SP3: variants seen among roughly 807,000 people sequenced by gnomAD.
SP3 encodes transcription factor Sp3.
Under a neutral mutation model 70.3 loss-of-function variants are expected in SP3, and 10 were observed. The observed-to-expected ratio is 0.14, with a 90% CI of 0.09 to 0.24. SP3 has a LOEUF of 0.24. SP3 is among the 10% of genes least tolerant of loss of function. The pLI is 1.00. For synonymous variants in SP3, 402 were observed against 333.5 expected, an observed-to-expected ratio of 1.21 and a Z score of -2.24; for missense variants, 825 against 914.6, an observed-to-expected ratio of 0.90 and a Z score of 1.26.
chr2:173,935,484 C>T (rs1448033540), intron 4 of SP3, among the ~76,000 whole-genome samples: 1 of 152,108 alleles, frequency 6.6e-6, no homozygotes, highest in Admixed American at 6.6e-5. Flanking sequence ...AAAGAGAAAT[C>T]CTGTTTTCCT....
rs1387915760 is a variant in SP3 at position 173,907,181 on chromosome 2, C to G, written c.*2760G>C. On this transcript the variant is annotated 3_prime_UTR_variant, in exon 7 of 7. Coordinates refer to ENST00000310015, the MANE Select transcript of SP3 (RefSeq NM_003111.5). ...TTAAAATTTGAGGTATACAGATAATCGCGTCCACTAAATGTTACAACAGGA... is the reference window on the plus strand; with the variant it reads ...TTAAAATTTGAGGTATACAGATAATGGCGTCCACTAAATGTTACAACAGGA... The G allele has an allele frequency of 6.6e-6, 1 of 151,972 alleles. No individual in the cohort carries two copies. Among genetic ancestry groups the G allele is most frequent in the Non-Finnish European group, 1.5e-5 (1 of 67,966 alleles). The allele number at this position is 151,972 out of a possible 1,614,324, so 9.4% of individuals were successfully genotyped here.
intron 5 of SP3, chr2:173,915,929 T>C (rs1442563150): frequency 6.6e-6 from 1 of 152,096 alleles, no homozygotes; most frequent in Non-Finnish European, 1.5e-5. Flanking sequence ...ATAAAATCAG[T>C]TCTCTAAAAA....
intron 4 of SP3, among the ~76,000 whole-genome samples, chr2:173,922,518 A>G (rs1559093592): frequency 6.6e-6 from 1 of 151,868 alleles, no homozygotes; most frequent in Non-Finnish European, 1.5e-5. Context: ...CAGCATATAC[A>G]TTAGGCATTG....
At position 173,918,802 on chromosome 2, in the gene SP3, AC is replaced by A; in HGVS notation, c.1640-18del. On this transcript the variant is annotated intron_variant, in intron 4 of 6. Transcript: ENST00000310015. ...TCCTAATATCTAAAGGGAAAAAAAA[AC>A]CAAATACAGATGAGAAGCAACCAAA... is the stretch of plus-strand genomic sequence containing the variant. 1.3e-6 allele frequency: 2 copies of A among 1,592,654 alleles called. No individual in the cohort carries two copies. Among genetic ancestry groups the A allele is most frequent in the Admixed American group, 1.8e-5 (1 of 56,234 alleles).
rs534022899 is a variant in SP3, at chr2:173,908,588, C to T, written c.*1353G>A. The T allele has an allele frequency of 3.3e-5, 5 of 152,326 alleles. No individual in the cohort carries two copies. Among genetic ancestry groups the T allele is most frequent in the South Asian group, 4.2e-4 (2 of 4,818 alleles). The allele number at this position is 152,326 out of a possible 1,614,324, so 9.4% of individuals were successfully genotyped here. ...CCACACTGTTATAATACACTTTAAA[C>T]GTACAATAAGGTAGCCTTTAAATTT... On this transcript the variant is annotated 3_prime_UTR_variant, in exon 7 of 7. Coordinates refer to ENST00000310015, the MANE Select transcript of SP3 (RefSeq NM_003111.5).
At chr2:173,948,881 T>C (rs145711755) in intron 4 of SP3, among the ~76,000 whole-genome samples, 2 of 152,250 alleles carry the variant, frequency 1.3e-5, no homozygotes, top group African/African-American at 2.4e-5. Context: ...GACCATAGCA[T>C]GCAATACATA....
intron 4 of SP3, among the ~76,000 whole-genome samples, chr2:173,925,103 G>GT (rs1269721204): frequency 6.6e-6 from 1 of 152,166 alleles, no homozygotes; most frequent in Non-Finnish European, 1.5e-5. Flanking sequence ...GGTCAGGCTG[G>GT]TCTCAAACTC....
At chr2:173,951,714 G>A (rs968329508) in intron 4 of SP3, among the ~76,000 whole-genome samples, 1 of 152,088 alleles carries the variant, frequency 6.6e-6, no homozygotes, top group Non-Finnish European at 1.5e-5. Context: ...AAACTTAACA[G>A]GTGGCAGTTT....
intron 4 of SP3, among the ~76,000 whole-genome samples, chr2:173,951,398 A>G (rs1690708904): frequency 6.6e-6 from 1 of 152,250 alleles, no homozygotes; most frequent in Non-Finnish European, 1.5e-5. Context: ...ATTTAAATTT[A>G]GTTCATTTAA....
chr2:173,953,911 T>C (rs1311632873), intron 4 of SP3, among the ~76,000 whole-genome samples: 2 of 152,296 alleles, frequency 1.3e-5, no homozygotes, highest in East Asian at 3.9e-4. Context: ...GATCTGAGGT[T>C]CTAAGACCAT....
rs879931127 is a variant in SP3 at position 173,911,560 on chromosome 2, C to T, written c.2030-1303G>A. On this transcript the variant is annotated intron_variant, in intron 6 of 6. Coordinates refer to ENST00000310015, the MANE Select transcript of SP3 (RefSeq NM_003111.5). Reference sequence around the variant, plus strand: ...CAATCTAGCATTTAATTTAAAGGTCCTAAGAGGTACTGCCTTGAAGGTACT... The same window carrying T: ...CAATCTAGCATTTAATTTAAAGGTCTTAAGAGGTACTGCCTTGAAGGTACT... Among the ~76,000 whole-genome samples, 6 of 152,122 alleles carry T rather than the reference C, an allele frequency of 3.9e-5. No individual in the cohort carries two copies. The East Asian group carries it at 1.2e-3, about 29-fold the overall frequency.
Position 173,934,821 on chromosome 2 carries a change from T to TTC in SP3, c.1640-16038_1640-16037dup, listed in dbSNP as rs547001909. ...CAGTTCTAAGGCTGAAACTCCTTTCTTCTAAAAATAAATACATTCTATTCC... is the reference window on the plus strand; with the variant it reads ...CAGTTCTAAGGCTGAAACTCCTTTCTTCTCTAAAAATAAATACATTCTATTCC... On this transcript the variant is annotated intron_variant, in intron 4 of 6. Transcript: ENST00000310015. Among the ~76,000 whole-genome samples, 455 of 152,336 alleles carry TTC rather than the reference T, an allele frequency of 3.0e-3. 4 individuals carry two copies. Among genetic ancestry groups the TTC allele is most frequent in the African/African-American group, 0.01 (432 of 41,584 alleles).
rs1234571809 is a variant in SP3 at position 173,927,478 on chromosome 2, A to ATT, written c.1640-8694_1640-8693insAA. On this transcript the variant is annotated intron_variant, in intron 4 of 6. Coordinates refer to ENST00000310015, the MANE Select transcript of SP3 (RefSeq NM_003111.5). The stretch of plus-strand genomic sequence containing the variant: ...TTTTTAGTAGAGACTGGGTTTCACC[A>ATT]TGTTGGCCAGGCTGGTCTCGAACTC... 9.5e-4 allele frequency among the ~76,000 whole-genome samples: 145 copies of ATT among 152,024 alleles called. 1 individual carries two copies. Among genetic ancestry groups the ATT allele is most frequent in the African/African-American group, 3.2e-3 (131 of 41,456 alleles).
chr2:173,959,602 A>T (rs1259127150), intron 3 of SP3, among the ~76,000 whole-genome samples: 1 of 152,024 alleles, frequency 6.6e-6, no homozygotes, highest in Non-Finnish European at 1.5e-5. Context: ...GTACATCTGT[A>T]GTCCCAGCTA....
Position 173,918,570 on chromosome 2 carries a change from A to G in SP3, c.1832+23T>C, listed in dbSNP as rs185778199. 30 of 1,602,978 alleles carry G rather than the reference A, an allele frequency of 1.9e-5. No individual in the cohort carries two copies. In the African/African-American group the frequency reaches 2.0e-4, roughly 11 times the overall value. The stretch of plus-strand genomic sequence containing the variant: ...ATGATATTAGCACTCTTAAAAATAT[A>G]TATGTGTTTCATGTATGCATACCTT... On this transcript the variant is annotated intron_variant, in intron 5 of 6. Coordinates refer to ENST00000310015, the MANE Select transcript of SP3 (RefSeq NM_003111.5).
rs752197064 is a variant in SP3, at chr2:173,964,387, G to A, written c.156+18C>T. The A allele has an allele frequency of 1.4e-5, 10 of 700,076 alleles. No homozygotes were observed. The highest frequency in any genetic ancestry group is 2.3e-5 in the Non-Finnish European group (9 of 385,988). 43.4% of individuals were successfully genotyped at this position (700,076 alleles called of 1,614,324 possible). Reference sequence around the variant, plus strand: ...CGGCGCGAGGGGGGAGCCGGGCCGGGGTTCAGCCGCTCCTCACCTGGGCCG... The same window carrying A: ...CGGCGCGAGGGGGGAGCCGGGCCGGAGTTCAGCCGCTCCTCACCTGGGCCG... On this transcript the variant is annotated intron_variant, in intron 2 of 6. Transcript: ENST00000310015.
At chr2:173,930,258 G>A (rs1690032544) in intron 4 of SP3, among the ~76,000 whole-genome samples, 2 of 152,140 alleles carry the variant, frequency 1.3e-5, no homozygotes, top group Non-Finnish European at 2.9e-5. Flanking sequence ...CTTTTCAGTT[G>A]TGTCTCCTAC....
At chr2:173,959,888 AG>A (rs1258060444) in intron 3 of SP3, among the ~76,000 whole-genome samples, 1 of 152,268 alleles carries the variant, frequency 6.6e-6, no homozygotes. Flanking sequence ...AAAATCCACC[AG>A]TGTTTCTCTC....
In SP3 at chr2:173,954,888, C is replaced by T; in HGVS notation, c.1624G>A (p.Ala542Thr). The T allele has an allele frequency of 6.2e-7, 1 of 1,612,012 alleles. No individual in the cohort carries two copies. The highest frequency in any genetic ancestry group is 8.5e-7 in the Non-Finnish European group (1 of 1,178,148). Reference protein sequence around the residue: ...AGIQLHPGENADSPADIRIKE... With the variant: ...AGIQLHPGENTDSPADIRIKE... Reference sequence around the variant, plus strand: ...TAAGACTCACCTGCAGGACTGTCAGCATTCTCTCCTGGATGTAGCTGTATA... The same window carrying T: ...TAAGACTCACCTGCAGGACTGTCAGTATTCTCTCCTGGATGTAGCTGTATA... Residue 542 changes from alanine to threonine, a missense_variant, in exon 4 of 7, where the codon GCT (alanine) becomes ACT (threonine). By Grantham distance (58) the Ala-to-Thr change is moderately conservative. This residue lies in a region of SP3 where 678 missense variants were observed against 651.6 expected (regional missense o/e 1.04). Coordinates refer to ENST00000310015, the MANE Select transcript of SP3 (RefSeq NM_003111.5).
Sources: allele counts gnomAD v4.1 joint callset (sites outside exome capture counted in the v4.1 genomes callset), GRCh38; gene constraint gnomAD v4.1.1; regional missense constraint gnomAD v4.1.1; transcripts MANE v1.5; gene names NCBI Gene and HGNC (gene_info 2026-07-23, HGNC 2026-07-21).